COL24A1: variants seen among roughly 807,000 people sequenced by gnomAD.
COL24A1 encodes the protein collagen type XXIV alpha 1 chain.
Under a neutral mutation model 253.9 loss-of-function variants are expected in COL24A1, and 224 were observed. That is an observed-to-expected ratio of 0.88 (90% CI 0.79 to 0.99). The LOEUF (loss-of-function observed/expected upper bound fraction) is 0.99, where lower values mean the gene tolerates loss of function less well. Among genes scored for constraint, COL24A1 ranks in the 50% least tolerant of loss-of-function variants. The pLI is 0.00. For missense variants in COL24A1, 2,131 were observed against 2,068.5 expected, an observed-to-expected ratio of 1.03 and a Z score of -0.59; for synonymous variants, 685 against 673.7, an observed-to-expected ratio of 1.02 and a Z score of -0.26.
chr1:85,799,087 G>T (rs1321860599), intron 47 of COL24A1, among the ~76,000 whole-genome samples: 1 of 151,926 alleles, frequency 6.6e-6, no homozygotes. Flanking sequence ...TTCACAGAAG[G>T]AAATTCACAC....
At chr1:85,869,322 G>A (rs7544141) in intron 35 of COL24A1, among the ~76,000 whole-genome samples, 62,527 of 151,850 alleles carry the variant, frequency 0.41, 13,359 homozygotes, top group South Asian at 0.59. Context: ...GCTCTGCAAC[G>A]TACAAATTCA....
chr1:86,073,089 C>T (rs1188867355), intron 7 of COL24A1, among the ~76,000 whole-genome samples: 6 of 152,122 alleles, frequency 3.9e-5, no homozygotes, highest in Non-Finnish European at 7.3e-5. Flanking sequence ...CACAACTCCT[C>T]GCCAGCAAGT....
chr1:85,943,080 C>T (rs1226183177), intron 24 of COL24A1, among the ~76,000 whole-genome samples: 1 of 152,118 alleles, frequency 6.6e-6, no homozygotes, highest in South Asian at 2.1e-4. Context: ...TGGAGAGAAC[C>T]AATACAGAAG....
intron 47 of COL24A1, among the ~76,000 whole-genome samples, chr1:85,787,200 T>C (rs1251903472): frequency 6.6e-6 from 1 of 152,150 alleles, no homozygotes; most frequent in Non-Finnish European, 1.5e-5. Context: ...GCAGAGTTTT[T>C]TTTTTTTTAA....
chr1:86,104,514 C>G (rs1704756502), intron 5 of COL24A1, among the ~76,000 whole-genome samples: 1 of 152,154 alleles, frequency 6.6e-6, no homozygotes, highest in Admixed American at 6.5e-5. Context: ...GCTGATGTTA[C>G]TTCAGTCTTT....
At chr1:86,089,298 G>A in intron 6 of COL24A1, 71 bp from the exon 7 acceptor site, 2 of 1,267,090 alleles carry the variant, frequency 1.6e-6, no homozygotes, top group Non-Finnish European at 2.2e-6. Context: ...GAAAATTAAA[G>A]CTCCTTTTAA....
At chr1:86,118,124 G>A (rs958079583) in intron 3 of COL24A1, among the ~76,000 whole-genome samples, 2 of 151,024 alleles carry the variant, frequency 1.3e-5, no homozygotes, top group East Asian at 2.0e-4. Flanking sequence ...GTATAGTGGC[G>A]TGATCTCGGC....
chr1:85,916,684 T>C (rs920523579), intron 24 of COL24A1, among the ~76,000 whole-genome samples: 1 of 152,026 alleles, frequency 6.6e-6, no homozygotes, highest in African/African-American at 2.4e-5. Flanking sequence ...AAGAAAAACG[T>C]ACTATTTCAG....
intron 6 of COL24A1, among the ~76,000 whole-genome samples, chr1:86,089,992 G>A (rs563959529): frequency 1.3e-5 from 2 of 152,162 alleles, no homozygotes; most frequent in African/African-American, 4.8e-5. Flanking sequence ...CTAGGTTCAC[G>A]TGACGCACAG....
chr1:86,102,352 A>C (rs1557629888), intron 5 of COL24A1, among the ~76,000 whole-genome samples: 1 of 151,962 alleles, frequency 6.6e-6, no homozygotes, highest in Non-Finnish European at 1.5e-5. Context: ...GGATTTGTTG[A>C]TCTTTGAATG....
intron 35 of COL24A1, among the ~76,000 whole-genome samples, chr1:85,870,014 A>C (rs548765986): frequency 1.1e-4 from 17 of 152,310 alleles, no homozygotes; most frequent in Admixed American, 3.9e-4. Flanking sequence ...TCTACCAAGC[A>C]AATGGAAAAC....
At chr1:86,080,855 T>C (rs1702585051) in intron 7 of COL24A1, among the ~76,000 whole-genome samples, 3 of 152,122 alleles carry the variant, frequency 2.0e-5, no homozygotes, top group Admixed American at 2.0e-4. Context: ...AGGAAAACAG[T>C]AGTATCATTT....
At chr1:85,862,424 TACG>T (rs1164107453) in intron 37 of COL24A1, among the ~76,000 whole-genome samples, 2 of 151,752 alleles carry the variant, frequency 1.3e-5, no homozygotes, top group Non-Finnish European at 2.9e-5. Flanking sequence ...AAAGAAAATC[TACG>T]TTAAAAATCT....
intron 13 of COL24A1, among the ~76,000 whole-genome samples, chr1:86,032,341 AT>A (rs1475990960): frequency 2.0e-5 from 3 of 152,216 alleles, no homozygotes; most frequent in African/African-American, 7.2e-5. Flanking sequence ...TTTGAAGTAC[AT>A]TATTTAAATT....
At chr1:85,872,427 C>T (rs1356443395) in intron 35 of COL24A1, among the ~76,000 whole-genome samples, 1 of 152,168 alleles carries the variant, frequency 6.6e-6, no homozygotes, top group Non-Finnish European at 1.5e-5. Flanking sequence ...AGGCATCACA[C>T]TACCTGACTT....
intron 53 of COL24A1, among the ~76,000 whole-genome samples, chr1:85,762,953 T>C (rs1666985382): frequency 6.6e-6 from 1 of 152,080 alleles, no homozygotes; most frequent in South Asian, 2.1e-4. Flanking sequence ...AACAAAATAC[T>C]TCAAACCCAC....
rs1698789755 is a variant in COL24A1, at chr1:86,033,886, C to A, written c.1988G>T (p.Gly663Val). The change falls in exon 13 of 60, where the codon GGT becomes GTT. Residue 663 changes from glycine (G) to valine (V), a missense_variant. Transcript: ENST00000370571. Reference protein sequence around the residue: ...PGDFGDRGPAGLDGSPGLVGG... With the variant: ...PGDFGDRGPAVLDGSPGLVGG... ...TGTACTCACAGGACTGCCATCAAGA[C>A]CAGCAGGGCCTCTGTCTCCAAAGTC... The A allele has an allele frequency of 6.3e-7, 1 of 1,599,816 alleles. No homozygotes were observed. Among genetic ancestry groups the A allele is most frequent in the Admixed American group, 1.7e-5 (1 of 57,474 alleles).
At chr1:85,986,368 T>A (rs1182305685) in intron 20 of COL24A1, among the ~76,000 whole-genome samples, 2 of 151,774 alleles carry the variant, frequency 1.3e-5, no homozygotes, top group African/African-American at 4.8e-5. Context: ...TAAACCATCC[T>A]CCAAACTGAC....
rs1224964755 is a variant in COL24A1, at chr1:85,874,703, C to T, written c.3085-1G>A. On this transcript the variant is annotated splice_acceptor_variant, in intron 34 of 59. Coordinates refer to ENST00000370571, the MANE Select transcript of COL24A1 (RefSeq NM_152890.7). LOFTEE classifies it high-confidence loss of function. ...CACTGCCAGCAGTTCCAACATCTCC[C>T]TGAAGAAACAAAGGGAAAGATTAAA... The T allele has an allele frequency of 6.2e-7, 1 of 1,612,084 alleles. No individual in the cohort carries two copies. The highest frequency in any genetic ancestry group is 2.2e-5 in the East Asian group (1 of 44,896).
Sources: gnomAD v4.1 joint callset for allele counts (sites outside exome capture counted in the v4.1 genomes callset) on GRCh38, gnomAD v4.1.1 for gene constraint, MANE v1.5 for transcripts, NCBI Gene and HGNC (gene_info 2026-07-23, HGNC 2026-07-21) for gene names.